Variants in NELL1 observed in about 807,000 individuals in gnomAD.
NELL1 encodes protein kinase C-binding protein NELL1.
NELL1 carries 76 observed loss-of-function variants against 107.4 expected under a neutral mutation model. That is an observed-to-expected ratio of 0.71 (90% CI 0.59 to 0.86). NELL1 has a LOEUF of 0.86. NELL1 is among the 40% of genes least tolerant of loss of function. The pLI, the probability that NELL1 is intolerant of heterozygous loss-of-function variation, is 0.00. For missense variants in NELL1, 1,024 were observed against 1,005.5 expected (o/e 1.02, Z -0.25); for synonymous variants, 353 against 341.2 (o/e 1.03, Z -0.38).
intron 13 of NELL1, among the ~76,000 whole-genome samples, chr11:21,141,737 T>G (rs539746917): frequency 6.8e-6 from 1 of 147,550 alleles, no homozygotes; most frequent in Non-Finnish European, 1.5e-5. Flanking sequence ...CCTCTATCCT[T>G]TTTATTTATT....
intron 10 of NELL1, 142 bp downstream of exon 10, chr11:20,938,001 A>T: frequency 1.4e-6 from 1 of 716,388 alleles, no homozygotes; most frequent in Non-Finnish European, 2.4e-6. Context: ...GTTGGATTAC[A>T]TGATGGCGAG....
At chr11:20,777,294 G>A (rs1856768603) in intron 2 of NELL1, among the ~76,000 whole-genome samples, 1 of 152,220 alleles carries the variant, frequency 6.6e-6, no homozygotes, top group Non-Finnish European at 1.5e-5. Context: ...GATGACATGT[G>A]CAGGGCATTA....
At chr11:21,540,547 A>G (rs1002909293) in intron 16 of NELL1, among the ~76,000 whole-genome samples, 2 of 152,094 alleles carry the variant, frequency 1.3e-5, no homozygotes, top group African/African-American at 4.8e-5. Context: ...TCATGGTTCT[A>G]CAGGCTGTAC....
At chr11:21,338,839 T>C (rs985001216) in intron 14 of NELL1, among the ~76,000 whole-genome samples, 5 of 152,130 alleles carry the variant, frequency 3.3e-5, no homozygotes, top group African/African-American at 9.7e-5. Flanking sequence ...GGAGCAGAGA[T>C]TGGTCTCAGT....
chr11:20,984,317 T>C (rs1851808034), intron 12 of NELL1, among the ~76,000 whole-genome samples: 1 of 152,192 alleles, frequency 6.6e-6, no homozygotes, highest in Admixed American at 6.5e-5. Flanking sequence ...AAATGGAAGA[T>C]CTCTGAAGCC....
At chr11:21,523,768 C>T (rs1347772690) in intron 15 of NELL1, among the ~76,000 whole-genome samples, 1 of 152,022 alleles carries the variant, frequency 6.6e-6, no homozygotes, top group African/African-American at 2.4e-5. Flanking sequence ...ATGGCCTGGA[C>T]CTCTCTCAAG....
chr11:21,571,401 A>G (rs1349504428), intron 18 of NELL1, among the ~76,000 whole-genome samples: 2 of 151,848 alleles, frequency 1.3e-5, no homozygotes, highest in African/African-American at 4.8e-5. Context: ...CTAGCTTAAA[A>G]TGATTACCTT....
At chr11:21,555,636 G>A (rs1856686149) in intron 16 of NELL1, among the ~76,000 whole-genome samples, 1 of 151,882 alleles carries the variant, frequency 6.6e-6, no homozygotes, top group Non-Finnish European at 1.5e-5. Flanking sequence ...CTCAGGAAAG[G>A]TTTGGGGCTG....
intron 15 of NELL1, among the ~76,000 whole-genome samples, chr11:21,454,306 A>T (rs905125776): frequency 1.3e-5 from 2 of 150,692 alleles, no homozygotes; most frequent in African/African-American, 4.9e-5. Context: ...TATATGCCAC[A>T]TTTTCTTAAT....
chr11:21,398,725 T>C (rs1052012226), intron 15 of NELL1, among the ~76,000 whole-genome samples: 1 of 151,786 alleles, frequency 6.6e-6, no homozygotes, highest in African/African-American at 2.4e-5. Context: ...CTGAACAGAA[T>C]TGAATTTTAA....
intron 14 of NELL1, among the ~76,000 whole-genome samples, chr11:21,321,235 T>C (rs1433862041): frequency 6.6e-6 from 1 of 152,278 alleles, no homozygotes; most frequent in South Asian, 2.1e-4. Context: ...CAGGTGCTCA[T>C]TGTGGGCCTT....
chr11:21,439,656 A>G (rs1853228378), intron 15 of NELL1, among the ~76,000 whole-genome samples: 1 of 152,156 alleles, frequency 6.6e-6, no homozygotes, highest in Admixed American at 6.6e-5. Flanking sequence ...GCCTTCCTGT[A>G]TTAGTAAGTA....
chr11:21,520,037 G>C (rs957254593), intron 15 of NELL1, among the ~76,000 whole-genome samples: 1 of 152,146 alleles, frequency 6.6e-6, no homozygotes, highest in Non-Finnish European at 1.5e-5. Flanking sequence ...GCACTAATAG[G>C]AGAAGAGAGA....
chr11:21,133,364 G>C (rs1021985936), intron 13 of NELL1, among the ~76,000 whole-genome samples: 1 of 152,146 alleles, frequency 6.6e-6, no homozygotes, highest in Non-Finnish European at 1.5e-5. Flanking sequence ...CCAGCCCCCA[G>C]GCTTCAGACT....
At chr11:21,414,259 A>T (rs1031179382) in intron 15 of NELL1, among the ~76,000 whole-genome samples, 6 of 152,026 alleles carry the variant, frequency 3.9e-5, no homozygotes, top group Non-Finnish European at 5.9e-5. Context: ...GTCAAGAAAG[A>T]AAGAACTGAT....
intron 2 of NELL1, among the ~76,000 whole-genome samples, chr11:20,771,411 G>A (rs1449552883): frequency 6.6e-6 from 1 of 152,196 alleles, no homozygotes; most frequent in Non-Finnish European, 1.5e-5. Context: ...TTTCCCAGGG[G>A]TGGGAAGTCA....
intron 15 of NELL1, among the ~76,000 whole-genome samples, chr11:21,502,893 C>CT (rs890471531): frequency 6.6e-6 from 1 of 151,894 alleles, no homozygotes; most frequent in African/African-American, 2.4e-5. Flanking sequence ...TATGTATTTA[C>CT]TTTTTTGAGA....
intron 15 of NELL1, among the ~76,000 whole-genome samples, chr11:21,461,580 CTA>C (rs1853901276): frequency 6.6e-6 from 1 of 152,076 alleles, no homozygotes; most frequent in Non-Finnish European, 1.5e-5. Flanking sequence ...TAAGTGCTCA[CTA>C]TGAGTTAAGT....
At chr11:21,185,089 T>C (rs1276272609) in intron 13 of NELL1, among the ~76,000 whole-genome samples, 1 of 151,628 alleles carries the variant, frequency 6.6e-6, no homozygotes, top group African/African-American at 2.4e-5. Context: ...TTCCCATCCA[T>C]CCATCCATCT....
Sources: allele counts gnomAD v4.1 joint callset (sites outside exome capture counted in the v4.1 genomes callset), GRCh38; gene constraint gnomAD v4.1.1; transcripts MANE v1.5; gene names NCBI Gene and HGNC (gene_info 2026-07-23, HGNC 2026-07-21).